ZNF57: variants seen among roughly 807,000 people sequenced by gnomAD.
The protein encoded by ZNF57 is zinc finger protein 424.
A neutral mutation model predicts 13.4 loss-of-function variants in ZNF57; 11 were observed. That is an observed-to-expected ratio of 0.82 (90% confidence interval 0.52 to 1.36). The LOEUF is 1.36. ZNF57 is among the 40% of genes most tolerant of loss of function. The probability of loss-of-function intolerance (pLI) is 0.00; values close to 1 mark genes in which losing one functional copy is unlikely to be tolerated. For synonymous variants in ZNF57, 224 were observed against 238.5 expected (o/e 0.94, Z 0.56); for missense variants, 696 against 667.5 (o/e 1.04, Z -0.47).
intron 1 of ZNF57, among the ~76,000 whole-genome samples, chr19:2,913,841 A>G (rs992758522): frequency 1.3e-5 from 2 of 152,158 alleles, no homozygotes; most frequent in East Asian, 1.9e-4. Context: ...GGGTCTCACT[A>G]TGTTGCCCAG....
At chr19:2,905,118 T>A (rs1334323201) in intron 1 of ZNF57, among the ~76,000 whole-genome samples, 4 of 152,084 alleles carry the variant, frequency 2.6e-5, no homozygotes, top group Non-Finnish European at 5.9e-5. Context: ...CTTCCCATCC[T>A]TTTGTGTTGG....
Position 2,917,114 on chromosome 19 carries a change from C to T in ZNF57, c.493C>T (p.Arg165Ter), listed in dbSNP as rs899661539. Reference sequence around the variant, plus strand: ...AAGGCACGTCAAGTCTCACTGTGGACGAAAAGCACCTCCAGGTGAGGAATG... The same window carrying T: ...AAGGCACGTCAAGTCTCACTGTGGATGAAAAGCACCTCCAGGTGAGGAATG... ...LKRHVKSHCGRKAPPGEECKQ... is the reference protein window; with the variant it reads ...LKRHVKSHCG Residue 165 changes from arginine (R) to a stop codon, truncating the protein, a stop_gained, in exon 4 of 4, where the codon CGA (arginine) becomes TGA (stop). Transcript: ENST00000306908. LOFTEE classifies it low-confidence loss of function (END_TRUNC). 10 of 1,613,946 alleles carry T rather than the reference C, an allele frequency of 6.2e-6. No individual in the cohort carries two copies. The highest frequency in any genetic ancestry group is 1.6e-4 in the Middle Eastern group (1 of 6,062).
intron 1 of ZNF57, among the ~76,000 whole-genome samples, chr19:2,911,445 A>G (rs558259404): frequency 6.6e-6 from 1 of 152,156 alleles, no homozygotes; most frequent in South Asian, 2.1e-4. Flanking sequence ...ATGCGGGAGA[A>G]TCTCCTGAAC....
chr19:2,904,255 G>C (rs2088054638), intron 1 of ZNF57, among the ~76,000 whole-genome samples: 2 of 152,234 alleles, frequency 1.3e-5, no homozygotes, highest in South Asian at 4.1e-4. Flanking sequence ...GCACATGCTG[G>C]TGTCTGAGAC....
intron 1 of ZNF57, among the ~76,000 whole-genome samples, chr19:2,914,940 G>A (rs1395677509): frequency 6.6e-6 from 1 of 152,096 alleles, no homozygotes; most frequent in East Asian, 1.9e-4. Context: ...ATCCAACAGT[G>A]CTTTCCAAAC....
intron 1 of ZNF57, among the ~76,000 whole-genome samples, chr19:2,905,732 T>C (rs1250901213): frequency 1.5e-5 from 2 of 132,512 alleles, no homozygotes; most frequent in African/African-American, 5.8e-5. Context: ...GCCACTGCAC[T>C]CCAGCCTGGG....
intron 1 of ZNF57, among the ~76,000 whole-genome samples, chr19:2,904,723 G>C (rs2088058482): frequency 6.6e-6 from 1 of 151,986 alleles, no homozygotes; most frequent in African/African-American, 2.4e-5. Context: ...TACACTTTTA[G>C]TAGACACAGA....
chr19:2,916,970 T>C lies in ZNF57; in HGVS notation c.349T>C (p.Tyr117His), dbSNP rs1377124739. ...CTGTACACATAATGAAGGTAATCAA[T>C]ATGGAGAAGCCATCCATCAAATGCC... is the stretch of plus-strand genomic sequence containing the variant. ...RFCTHNEGNQ[Y>H]GEAIHQMPDL... Residue 117 changes from tyrosine to histidine, a missense_variant, in exon 4 of 4, where the codon TAT (tyrosine) becomes CAT (histidine). Physicochemically the swap from Tyr to His is moderately conservative, Grantham distance 83 (BLOSUM62 2). Transcript: ENST00000306908. The C allele has an allele frequency of 6.2e-7, 1 of 1,611,978 alleles. No individual in the cohort carries two copies. Among genetic ancestry groups the C allele is most frequent in the Admixed American group, 1.7e-5 (1 of 59,446 alleles).
At chr19:2,907,309 C>A (rs2088084738) in intron 1 of ZNF57, 1 of 152,084 alleles carries the variant, frequency 6.6e-6, no homozygotes, top group Non-Finnish European at 1.5e-5. Context: ...GTGGTGGGGA[C>A]TTGAGTCTAG....
At chr19:2,903,937 G>A (rs1399110691) in intron 1 of ZNF57, among the ~76,000 whole-genome samples, 1 of 151,824 alleles carries the variant, frequency 6.6e-6, no homozygotes, top group Non-Finnish European at 1.5e-5. Context: ...GGATGGTCTT[G>A]ATCTCCTGAC....
intron 1 of ZNF57, among the ~76,000 whole-genome samples, chr19:2,903,795 G>A (rs553327536): frequency 5.2e-4 from 78 of 151,414 alleles, no homozygotes; most frequent in African/African-American, 1.8e-3. Context: ...GCTCACTGCA[G>A]GCTCCGCCCT....
At position 2,910,468 on chromosome 19, in the gene ZNF57, T is replaced by C. The variant is rs1439233806; in HGVS notation, c.4-5054T>C. On this transcript the variant is annotated intron_variant, in intron 1 of 3. Coordinates refer to ENST00000306908, the MANE Select transcript of ZNF57 (RefSeq NM_173480.3). ...GTTTCTTTTCTTTTCTTTTTTTTTT[T>C]TTTTTTTTTTGAGACAGAGTCTCAC... Among the ~76,000 whole-genome samples, 316 of 34,860 alleles carry C rather than the reference T, an allele frequency of 9.1e-3. 116 individuals carry two copies. Among genetic ancestry groups the C allele is most frequent in the African/African-American group, 0.02 (308 of 15,418 alleles). 22.9% of individuals were successfully genotyped at this position (34,860 alleles called of 152,430 possible).
intron 1 of ZNF57, among the ~76,000 whole-genome samples, chr19:2,908,434 C>T (rs2088095258): frequency 6.9e-6 from 1 of 145,792 alleles, no homozygotes; most frequent in Non-Finnish European, 1.5e-5. Context: ...TTAACGTGCA[C>T]ATTTCATTGT....
chr19:2,918,403 C>T lies in ZNF57; in HGVS notation c.*114C>T. 2.5e-6 allele frequency: 3 copies of T among 1,186,814 alleles called. No homozygotes were observed. The highest frequency in any genetic ancestry group is 3.5e-6 in the Non-Finnish European group (3 of 860,642). 73.5% of individuals were successfully genotyped at this position (1,186,814 alleles called of 1,614,324 possible). A position where few individuals can be genotyped will look rare whatever the true frequency, so the allele number is the denominator to read the frequency against. The stretch of plus-strand genomic sequence containing the variant: ...AGTATGATATTGTCTTTGTCAATAC[C>T]TCATTTGTAAAACAGACCCATTAGT... On this transcript the variant is annotated 3_prime_UTR_variant, in exon 4 of 4. Transcript: ENST00000306908.
chr19:2,910,643 G>T (rs1487919071), intron 1 of ZNF57, among the ~76,000 whole-genome samples: 1 of 112,460 alleles, frequency 8.9e-6, no homozygotes, highest in Non-Finnish European at 1.9e-5. Flanking sequence ...TGTATTTTTA[G>T]TAGAGACAGG....
In ZNF57 at chr19:2,906,654, G is replaced by A. The variant is rs180812482; in HGVS notation, c.3+5606G>A. 4.4e-3 allele frequency among the ~76,000 whole-genome samples: 663 copies of A among 152,284 alleles called. 13 individuals are homozygous for A. The highest frequency in any genetic ancestry group is 4.1e-3 in the Non-Finnish European group (276 of 68,028). ...TGCTGCGTGGCTACCAGGGAGCGTC[G>A]TCCTGGCTGTGAAGCTTCCAGACAG... On this transcript the variant is annotated intron_variant, in intron 1 of 3. Transcript: ENST00000306908.
chr19:2,907,170 A>T (rs1014055663), intron 1 of ZNF57: 2 of 152,152 alleles, frequency 1.3e-5, no homozygotes, highest in Non-Finnish European at 2.9e-5. Context: ...GTAAGTGAGG[A>T]ATACGTTCTC....
At chr19:2,908,890 C>T (rs1015174997) in intron 1 of ZNF57, among the ~76,000 whole-genome samples, 5 of 129,266 alleles carry the variant, frequency 3.9e-5, no homozygotes, top group Middle Eastern at 4.1e-3. Context: ...CTTGACATTT[C>T]GTATGTTGTT....
In ZNF57 at chr19:2,918,432, G is replaced by GA; in HGVS notation, c.*145dup. 1 of 874,086 alleles carries GA rather than the reference G, an allele frequency of 1.1e-6. No homozygotes were observed. The highest frequency in any genetic ancestry group is 1.7e-6 in the Non-Finnish European group (1 of 592,756). The allele number at this position is 874,086 out of a possible 1,614,324, so 54.1% of individuals were successfully genotyped here. ...TTTGTAAAACAGACCCATTAGTCGT[G>GA]AATTTCCAGCTCTTTCAAAAATAAA... On this transcript the variant is annotated 3_prime_UTR_variant, in exon 4 of 4. Transcript: ENST00000306908.
Sources: allele counts gnomAD v4.1 joint callset (sites outside exome capture counted in the v4.1 genomes callset), GRCh38; gene constraint gnomAD v4.1.1; transcripts MANE v1.5; gene names NCBI Gene and HGNC (gene_info 2026-07-23, HGNC 2026-07-21).